IL27RA: variants seen among roughly 807,000 people sequenced by gnomAD.
The protein encoded by IL27RA is interleukin 27 receptor subunit alpha.
IL27RA carries 61 observed loss-of-function variants against 80.8 expected under a neutral mutation model. The observed-to-expected ratio is 0.76, with a 90% CI of 0.61 to 0.93. IL27RA has a LOEUF of 0.93. Ranked by LOEUF, IL27RA falls within the 40% of genes least tolerant of loss-of-function variation. The pLI, the probability that IL27RA is intolerant of heterozygous loss-of-function variation, is 0.00. For synonymous variants in IL27RA, 316 were observed against 332.5 expected, an observed-to-expected ratio of 0.95 and a Z score of 0.54; for missense variants, 735 against 808.1, an observed-to-expected ratio of 0.91 and a Z score of 1.10.
chr19:14,043,583 C>T (rs1034604498), intron 6 of IL27RA, among the ~76,000 whole-genome samples: 2 of 151,366 alleles, frequency 1.3e-5, no homozygotes, highest in African/African-American at 4.9e-5. Flanking sequence ...CCCCACCACG[C>T]CCGGCTAATT....
At chr19:14,038,567 T>TAAAAAAA (rs34678070) in intron 2 of IL27RA, among the ~76,000 whole-genome samples, 1 of 101,032 alleles carries the variant, frequency 9.9e-6, no homozygotes, top group African/African-American at 3.7e-5. Flanking sequence ...GTCGTGTCTC[T>TAAAAAAA]AAAAAAAAAA....
chr19:14,039,724 T>C (rs1274643443), intron 3 of IL27RA, 29 bp from the exon 4 acceptor site: 7 of 1,611,024 alleles, frequency 4.3e-6, no homozygotes, highest in Non-Finnish European at 5.1e-6. Flanking sequence ...AGGGCGTGGC[T>C]CACTACACCC....
intron 8 of IL27RA, among the ~76,000 whole-genome samples, chr19:14,047,667 T>G (rs1976089377): frequency 6.7e-6 from 1 of 148,842 alleles, no homozygotes; most frequent in South Asian, 2.1e-4. Context: ...CTTTTTTTTT[T>G]TTTTTTTTTG....
chr19:14,049,109 G>C (rs773035382), intron 9 of IL27RA, 27 bp downstream of exon 9: 1 of 1,612,430 alleles, frequency 6.2e-7, no homozygotes, highest in Non-Finnish European at 8.5e-7. Context: ...AGGATGGGGG[G>C]GCTTCTGTAA....
At chr19:14,033,709 A>G (rs560637367) in intron 2 of IL27RA, among the ~76,000 whole-genome samples, 13 of 151,784 alleles carry the variant, frequency 8.6e-5, no homozygotes, top group Non-Finnish European at 1.6e-4. Flanking sequence ...GCTCACGCCT[A>G]TAATCTCAGC....
In IL27RA at chr19:14,032,425, TG is replaced by T. The variant is rs757665702; in HGVS notation, c.143del (p.Gly48AlafsTer3). ...GPLQCYGVGP[L>X]GDLNCSWEPL... ...CTGCAGTGCTACGGAGTTGGACCCTTGGGCGACTTGAACTGCTCGTGGGAGC... is the reference window on the plus strand; with the variant it reads ...CTGCAGTGCTACGGAGTTGGACCCTTGGCGACTTGAACTGCTCGTGGGAGC... On this transcript the variant is annotated frameshift_variant, in exon 2 of 14. Transcript: ENST00000263379. LOFTEE classifies it high-confidence loss of function. 6.2e-7 allele frequency: 1 copy of T among 1,613,748 alleles called. No individual in the cohort carries two copies. The highest frequency in any genetic ancestry group is 8.5e-7 in the Non-Finnish European group (1 of 1,179,906).
chr19:14,036,711 C>G (rs1023465451), intron 2 of IL27RA, among the ~76,000 whole-genome samples: 1 of 152,250 alleles, frequency 6.6e-6, no homozygotes, highest in South Asian at 2.1e-4. Flanking sequence ...TGATCTCAAA[C>G]TCTTGATCTC....
At chr19:14,045,434 T>C (rs1976050958) in intron 6 of IL27RA, among the ~76,000 whole-genome samples, 3 of 150,154 alleles carry the variant, frequency 2.0e-5, no homozygotes, top group Non-Finnish European at 3.0e-5. Flanking sequence ...ACCCCGTCTC[T>C]ACTAAAAATA....
intron 11 of IL27RA, 48 bp downstream of exon 11, chr19:14,050,931 A>C (rs752706627): frequency 6.4e-7 from 1 of 1,564,562 alleles, no homozygotes; most frequent in African/African-American, 1.4e-5. Flanking sequence ...TGTACTCCAC[A>C]GTGGGGAGAG....
rs34698681 is a variant in IL27RA, at chr19:14,040,902, A to AT, written c.534+1009dup. On this transcript the variant is annotated intron_variant, in intron 4 of 13. Coordinates refer to ENST00000263379, the MANE Select transcript of IL27RA (RefSeq NM_004843.4). Reference sequence around the variant, plus strand: ...ATTCAGAGCAACACTGAGATGCAGAATTTTTTTTTTTTTTTTTGAGATGGC... The same window carrying AT: ...ATTCAGAGCAACACTGAGATGCAGAATTTTTTTTTTTTTTTTTTGAGATGGC... Among the ~76,000 whole-genome samples the AT allele has an allele frequency of 2.0e-3, 285 of 139,328 alleles. 1 individual carries two copies. Among genetic ancestry groups the AT allele is most frequent in the Middle Eastern group, 0.015 (4 of 264 alleles). 91.4% of individuals were successfully genotyped at this position (139,328 alleles called of 152,430 possible). A position where few individuals can be genotyped will look rare whatever the true frequency, so the allele number is the denominator to read the frequency against.
chr19:14,050,873 T>C lies in IL27RA; in HGVS notation c.1518T>C (p.Leu506=). The C allele has an allele frequency of 6.2e-7, 1 of 1,609,094 alleles. No individual in the cohort carries two copies. The highest frequency in any genetic ancestry group is 8.5e-7 in the Non-Finnish European group (1 of 1,176,342). The change falls in exon 11 of 14, where the codon CTT becomes CTC. Residue 506 remains leucine (L), a synonymous_variant. Coordinates refer to ENST00000263379, the MANE Select transcript of IL27RA (RefSeq NM_004843.4). ...GCCCTCCTGGTCCCATCCTCCGGCT[T>C]CATCTACCAGGTAGGGGGGTTGGGA... ...GQGPPGPILR[L]HLPDNTLRWK... is the part of the protein sequence containing the mutation.
At chr19:14,040,005 C>A in intron 4 of IL27RA, 95 bp downstream of exon 4, 2 of 1,274,506 alleles carry the variant, frequency 1.6e-6, no homozygotes, top group Non-Finnish European at 2.2e-6. Context: ...TCATTCTGTG[C>A]CTGCCCCTGA....
At chr19:14,043,244 T>C (rs1345852250) in intron 6 of IL27RA, among the ~76,000 whole-genome samples, 1 of 151,978 alleles carries the variant, frequency 6.6e-6, no homozygotes, top group Non-Finnish European at 1.5e-5. Context: ...GTTGCTAAAG[T>C]GGTCAGCACA....
At chr19:14,047,382 G>A (rs193193576) in intron 8 of IL27RA, among the ~76,000 whole-genome samples, 39 of 146,358 alleles carry the variant, frequency 2.7e-4, no homozygotes, top group African/African-American at 9.4e-4. Context: ...TGAGATGGAG[G>A]CTGGCTCTGT....
Position 14,031,895 on chromosome 19 carries a change from C to T in IL27RA, c.23C>T (p.Pro8Leu), listed in dbSNP as rs761504616. 5.0e-6 allele frequency: 8 copies of T among 1,604,748 alleles called. No homozygotes were observed. Among genetic ancestry groups the T allele is most frequent in the East Asian group, 2.3e-5 (1 of 44,404 alleles). MRGGRGA[P>L]FWLWPLPKLA... ...GCCATGCGGGGAGGCAGGGGCGCCC[C>T]TTTCTGGCTGTGGCCGCTGCCCAAG... is the stretch of plus-strand genomic sequence containing the variant. The change falls in exon 1 of 14, where the codon CCT (proline) becomes CTT (leucine). Residue 8 changes from proline (P) to leucine (L), a missense_variant. Transcript: ENST00000263379.
Position 14,039,796 on chromosome 19 carries a change from C to T in IL27RA, c.420C>T (p.Ser140=), listed in dbSNP as rs1568500384. 15 of 1,614,146 alleles carry T rather than the reference C, an allele frequency of 9.3e-6. No homozygotes were observed. In the Admixed American group the frequency reaches 1.0e-4, roughly 11 times the overall value. ...APRLGPDVDF[S]EDDPLEATVH... ...GGCTGGGCCCTGACGTGGACTTTTC[C>T]GAGGATGACCCCCTGGAGGCCACTG... The change falls in exon 4 of 14, where the codon TCC becomes TCT. Residue 140 remains serine (S), a synonymous_variant. Coordinates refer to ENST00000263379, the MANE Select transcript of IL27RA (RefSeq NM_004843.4).
At chr19:14,033,041 C>T (rs1484751248) in intron 2 of IL27RA, among the ~76,000 whole-genome samples, 2 of 147,494 alleles carry the variant, frequency 1.4e-5, no homozygotes, top group African/African-American at 2.5e-5. Context: ...GAGGCCGAGG[C>T]GGGAGGATCG....
At chr19:14,042,853 A>G in intron 6 of IL27RA, 64 bp downstream of exon 6, 1 of 1,393,240 alleles carries the variant, frequency 7.2e-7, no homozygotes, top group South Asian at 1.2e-5. Context: ...TAACAATGAC[A>G]TAAGGCCGGA....
chr19:14,045,281 T>C (rs1465551228), intron 6 of IL27RA, among the ~76,000 whole-genome samples: 4 of 147,714 alleles, frequency 2.7e-5, no homozygotes, highest in East Asian at 2.0e-4. Context: ...TGAGAACTTA[T>C]GTCAAAAAGA....
Sources: allele counts gnomAD v4.1 joint callset (sites outside exome capture counted in the v4.1 genomes callset), GRCh38; gene constraint gnomAD v4.1.1; transcripts MANE v1.5; gene names NCBI Gene and HGNC (gene_info 2026-07-23, HGNC 2026-07-21).